Variants in CAPN10 observed in about 807,000 individuals in gnomAD.
The protein encoded by CAPN10 is calpain 10.
In CAPN10, 71 loss-of-function variants were observed where a neutral mutation model predicts 78.4. The observed-to-expected ratio is 0.91, with a 90% CI of 0.75 to 1.10. CAPN10 has a LOEUF of 1.10. Among genes scored for constraint, CAPN10 ranks in the 50% least tolerant of loss-of-function variants. CAPN10 has a pLI of 0.00. For synonymous variants in CAPN10, 437 were observed against 407.2 expected (o/e 1.07, Z -0.88); for missense variants, 849 against 924.6 (o/e 0.92, Z 1.06).
intron 1 of CAPN10, 58 bp downstream of exon 1, chr2:240,587,110 C>T: frequency 1.7e-6 from 2 of 1,155,758 alleles, no homozygotes; most frequent in Non-Finnish European, 2.3e-6. Context: ...CTCCGCTCCT[C>T]GCAGGGAGCG....
At chr2:240,588,263 G>A (rs1454667099) in intron 1 of CAPN10, among the ~76,000 whole-genome samples, 2 of 152,064 alleles carry the variant, frequency 1.3e-5, no homozygotes, top group Non-Finnish European at 2.9e-5. Flanking sequence ...TACGGAGCAG[G>A]GATAGGCTAG....
rs2093148101 is a variant in CAPN10, at chr2:240,597,995, C to T, written c.1851C>T (p.Leu617=). 1 of 1,613,218 alleles carries T rather than the reference C, an allele frequency of 6.2e-7. No individual in the cohort carries two copies. The highest frequency in any genetic ancestry group is 8.5e-7 in the Non-Finnish European group (1 of 1,179,952). ...CCCAGGAGGTGAGCCGGCTCTGCCT[C>T]CTGCCTGCGGGCACCTACAAGGTTG... ...RYAQEVSRLC[L]LPAGTYKVVP... is the part of the protein sequence containing the mutation. The change falls in exon 10 of 12, where the codon CTC becomes CTT. Residue 617 remains leucine, a synonymous_variant. Transcript: ENST00000391984.
At chr2:240,588,954 G>T (rs116369887) in intron 1 of CAPN10, among the ~76,000 whole-genome samples, 1,664 of 147,980 alleles carry the variant, frequency 0.011, 23 homozygotes, top group Non-Finnish European at 0.014. Context: ...AAAGGGGAAG[G>T]TATATGATAG....
chr2:240,593,858 GA>G, intron 4 of CAPN10, 47 bp from the exon 5 acceptor site: 1 of 1,538,940 alleles, frequency 6.5e-7, no homozygotes, highest in Non-Finnish European at 8.8e-7. Flanking sequence ...GTCAGTTTGG[GA>G]CTCCATGGTG....
chr2:240,594,108 T>C (rs2093120495), intron 5 of CAPN10, 61 bp downstream of exon 5: 6 of 1,483,354 alleles, frequency 4.0e-6, no homozygotes, highest in African/African-American at 1.4e-5. Flanking sequence ...CAGTCTGGCC[T>C]GTGTCCTGGT....
chr2:240,594,616 T>G lies in CAPN10; in HGVS notation c.904T>G (p.Trp302Gly), dbSNP rs1240071563. 6.2e-7 allele frequency: 1 copy of G among 1,613,834 alleles called. No homozygotes were observed. Among genetic ancestry groups the G allele is most frequent in the Non-Finnish European group, 8.5e-7 (1 of 1,179,968 alleles). Reference protein sequence around the residue: ...LLSQLQEGEFWVEEEEFLREF... With the variant: ...LLSQLQEGEFGVEEEEFLREF... ...GTCCCAGCTCCAGGAAGGGGAGTTC[T>G]GGGTGGAGGAGGAGGAGTTCCTCAG... The change falls in exon 6 of 12, where the codon TGG becomes GGG. Residue 302 changes from tryptophan (W) to glycine (G), a missense_variant. Trp to Gly is a radical substitution (Grantham distance 184, BLOSUM62 -2). Coordinates refer to ENST00000391984, the MANE Select transcript of CAPN10 (RefSeq NM_023083.4).
rs748191283 is a variant in CAPN10 at position 240,597,893 on chromosome 2, A to G, written c.1749A>G (p.Pro583=). 3 of 1,598,590 alleles carry G rather than the reference A, an allele frequency of 1.9e-6. No individual in the cohort carries two copies. The highest frequency in any genetic ancestry group is 2.6e-6 in the Non-Finnish European group (3 of 1,173,918). The change falls in exon 10 of 12, where the codon CCA becomes CCG. Residue 583 remains proline, a synonymous_variant. Coordinates refer to ENST00000391984, the MANE Select transcript of CAPN10 (RefSeq NM_023083.4). ...HPIGFHIFQV[P]EGGRSQDAPP... ...TGAGCCTGCGCTTTCCTCAGGTCCCAGAGGGTGGAAGGAGCCAGGACGCAC... is the reference window on the plus strand; with the variant it reads ...TGAGCCTGCGCTTTCCTCAGGTCCCGGAGGGTGGAAGGAGCCAGGACGCAC...
intron 9 of CAPN10, among the ~76,000 whole-genome samples, chr2:240,597,157 G>A (rs1293319061): frequency 6.6e-6 from 1 of 152,280 alleles, no homozygotes; most frequent in African/African-American, 2.4e-5. Context: ...CCGGGGGCCT[G>A]GGAGGTGGGC....
chr2:240,591,223 C>T (rs1390205587), intron 3 of CAPN10: 57 of 563,532 alleles, frequency 1.0e-4, no homozygotes, highest in Non-Finnish European at 1.6e-4. Context: ...GCTTTCCCTT[C>T]CCTTGTTCCA....
intron 10 of CAPN10, 100 bp downstream of exon 10, chr2:240,598,187 A>C: frequency 2.2e-6 from 3 of 1,343,970 alleles, no homozygotes; most frequent in South Asian, 1.3e-5. Flanking sequence ...CCTCACCCTC[A>C]AGCCCCTATC....
chr2:240,595,965 T>A, intron 7 of CAPN10: 1 of 1,367,734 alleles, frequency 7.3e-7, no homozygotes, highest in African/African-American at 1.5e-5. Context: ...CTGTTCCCTG[T>A]CCCTTCATGG....
At chr2:240,590,717 G>T in intron 2 of CAPN10, 98 bp from the exon 3 acceptor site, 1 of 1,085,272 alleles carries the variant, frequency 9.2e-7, no homozygotes, top group East Asian at 2.5e-5. Flanking sequence ...GGTGCCTGTG[G>T]AGCACTCAGC....
intron 3 of CAPN10, 161 bp downstream of exon 3, chr2:240,591,172 G>A: frequency 4.7e-6 from 3 of 634,086 alleles, no homozygotes; most frequent in Non-Finnish European, 5.4e-6. Flanking sequence ...CAGGCCAGGT[G>A]CAGAGATTCT....
chr2:240,587,244 G>A (rs112689953), intron 1 of CAPN10, among the ~76,000 whole-genome samples, 192 bp downstream of exon 1: 52 of 152,338 alleles, frequency 3.4e-4, no homozygotes, highest in African/African-American at 1.2e-3. Flanking sequence ...AGCAGGACTC[G>A]GCGCTACCCT....
chr2:240,592,546 C>G (rs1288085298), intron 4 of CAPN10: 3 of 474,096 alleles, frequency 6.3e-6, no homozygotes, highest in Non-Finnish European at 8.7e-6. Flanking sequence ...TGGTGGCTCA[C>G]ACCTGTAATC....
At chr2:240,591,187 T>C in intron 3 of CAPN10, 176 bp downstream of exon 3, 1 of 612,826 alleles carries the variant, frequency 1.6e-6, no homozygotes, top group Non-Finnish European at 2.8e-6. Flanking sequence ...GATTCTTCTT[T>C]TGGGCCTGTG....
At position 240,590,799 on chromosome 2, in the gene CAPN10, T is replaced by A. The variant is rs1171659003; in HGVS notation, c.274-16T>A. On this transcript the variant is annotated splice_polypyrimidine_tract_variant and intron_variant, in intron 2 of 11. Coordinates refer to ENST00000391984, the MANE Select transcript of CAPN10 (RefSeq NM_023083.4). The stretch of plus-strand genomic sequence containing the variant: ...TTATATCACGCTCGCCTTTTGCTTC[T>A]CCCTGTGCATGGCAGGTCATTCCTC... 1.9e-6 allele frequency: 3 copies of A among 1,612,170 alleles called. No individual in the cohort carries two copies. The Admixed American group carries it at 5.0e-5, about 27-fold the overall frequency.
At chr2:240,596,097 G>T in intron 7 of CAPN10, 1 of 1,536,356 alleles carries the variant, frequency 6.5e-7, no homozygotes, top group Non-Finnish European at 8.8e-7. Context: ...AGGAGGACTT[G>T]CAGGCTCGTG....
In CAPN10 at chr2:240,598,035, C is replaced by T. The variant is rs906104124; in HGVS notation, c.1891C>T (p.Leu631=). 3.1e-6 allele frequency: 5 copies of T among 1,612,944 alleles called. No individual in the cohort carries two copies. In the African/African-American group the frequency reaches 5.3e-5, roughly 17 times the overall value. The change falls in exon 10 of 12, where the codon CTG becomes TTG. Residue 631 remains leucine, a synonymous_variant. Transcript: ENST00000391984. ...GTYKVVPSTY[L]PDTEGAFTVT... ...CTACAAGGTTGTGCCCTCCACCTAC[C>T]TGCCGGACACAGAGGGGGCCTTCAC...
Sources: allele counts gnomAD v4.1 joint callset (sites outside exome capture counted in the v4.1 genomes callset), GRCh38; gene constraint gnomAD v4.1.1; transcripts MANE v1.5; gene names NCBI Gene and HGNC (gene_info 2026-07-23, HGNC 2026-07-21).